ANO10: variants seen among roughly 807,000 people sequenced by gnomAD.
ANO10 encodes the protein anoctamin 10, also known as anoctamin-10.
A neutral mutation model predicts 74.7 loss-of-function variants in ANO10; 77 were observed. The ratio of observed to expected loss-of-function variants is 1.03; its 90% CI spans 0.86 to 1.25. The LOEUF (loss-of-function observed/expected upper bound fraction) is 1.25. ANO10 is among the 50% of genes most tolerant of loss of function. ANO10 has a pLI of 0.00. For missense variants in ANO10, 721 were observed against 778.1 expected (o/e 0.93, Z 0.87); for synonymous variants, 279 against 284.9 (o/e 0.98, Z 0.21).
intron 12 of ANO10, among the ~76,000 whole-genome samples, chr3:43,407,058 C>T (rs2092588689): frequency 6.6e-6 from 1 of 152,100 alleles, no homozygotes; most frequent in Admixed American, 6.6e-5. Context: ...CATGTGCCAC[C>T]ACACCCGGCT....
chr3:43,690,995 G>A (rs766276299), intron 1 of ANO10: 2 of 1,572,806 alleles, frequency 1.3e-6, no homozygotes, highest in Admixed American at 1.8e-5. Context: ...CGGCGGCTAT[G>A]GCGGCGGAGG....
At chr3:43,611,507 A>G (rs992321752) in intron 1 of ANO10, among the ~76,000 whole-genome samples, 1 of 152,196 alleles carries the variant, frequency 6.6e-6, no homozygotes. Context: ...TAAGAGCTTG[A>G]TCTCTGGAGA....
At chr3:43,590,479 T>C (rs912354389) in intron 4 of ANO10, among the ~76,000 whole-genome samples, 3 of 152,136 alleles carry the variant, frequency 2.0e-5, no homozygotes, top group African/African-American at 7.2e-5. Flanking sequence ...TTCCCCATCA[T>C]GTCTAAGGAA....
chr3:43,630,856 C>G lies in ANO10; in HGVS notation c.-11-24993G>C, dbSNP rs1183682803. On this transcript the variant is annotated intron_variant, in intron 1 of 3. Transcript: ENST00000413397. ...GTGTCTGTTCTTTCATGGACTGCTT[C>G]CAGTTTTTTCTTTATTTCTTTGATG... Among the ~76,000 whole-genome samples, 3 of 152,154 alleles carry G rather than the reference C, an allele frequency of 2.0e-5. No homozygotes were observed. The East Asian group carries it at 5.8e-4, about 29-fold the overall frequency.
At chr3:43,478,954 G>T (rs186721915) in intron 11 of ANO10, among the ~76,000 whole-genome samples, 1 of 152,194 alleles carries the variant, frequency 6.6e-6, no homozygotes, top group East Asian at 1.9e-4. Flanking sequence ...CACAAGTTAG[G>T]GCACTTTAGA....
chr3:43,517,231 A>G (rs965040305), intron 11 of ANO10, among the ~76,000 whole-genome samples: 6 of 152,230 alleles, frequency 3.9e-5, no homozygotes, highest in Admixed American at 6.5e-5. Context: ...AAATATTCAA[A>G]CATTTGTAAC....
chr3:43,537,574 C>G (rs1193750461), intron 11 of ANO10, among the ~76,000 whole-genome samples: 2 of 149,368 alleles, frequency 1.3e-5, no homozygotes, highest in Non-Finnish European at 3.0e-5. Context: ...CAGAGCAGAA[C>G]CATGATCTCA....
intron 1 of ANO10, chr3:43,690,881 G>C (rs766649239): frequency 1.7e-6 from 2 of 1,210,418 alleles, no homozygotes; most frequent in Non-Finnish European, 2.2e-6. Flanking sequence ...GTGCGCGGAA[G>C]ACGCATGCGC....
At chr3:43,458,794 G>A (rs762240986) in intron 11 of ANO10, among the ~76,000 whole-genome samples, 3 of 152,036 alleles carry the variant, frequency 2.0e-5, no homozygotes, top group Non-Finnish European at 4.4e-5. Flanking sequence ...TTGTCCTAAC[G>A]CTCTCCCTCC....
intron 1 of ANO10, among the ~76,000 whole-genome samples, chr3:43,645,443 C>T (rs1471807358): frequency 2.1e-4 from 31 of 149,748 alleles, no homozygotes; most frequent in Non-Finnish European, 8.9e-5. Flanking sequence ...GAGCTGAGAT[C>T]GTGCCACTGC....
chr3:43,411,422 A>C (rs566593189), intron 12 of ANO10, among the ~76,000 whole-genome samples: 29 of 152,342 alleles, frequency 1.9e-4, no homozygotes, highest in African/African-American at 6.7e-4. Flanking sequence ...TCTTTGAGAG[A>C]CATAACGTAA....
intron 1 of ANO10, among the ~76,000 whole-genome samples, chr3:43,679,534 A>C (rs1183769402): frequency 2.0e-5 from 3 of 152,188 alleles, no homozygotes; most frequent in Admixed American, 2.0e-4. Context: ...GCCAAACAAA[A>C]GGCAGCAGAA....
intron 11 of ANO10, among the ~76,000 whole-genome samples, chr3:43,433,068 T>C (rs1049849911): frequency 6.7e-6 from 1 of 148,852 alleles, no homozygotes; most frequent in Non-Finnish European, 1.5e-5. Flanking sequence ...CAAGTGATTC[T>C]CCTGCCTCAG....
At chr3:43,690,942 G>T (rs1399819007) in intron 1 of ANO10, 2 of 1,539,566 alleles carry the variant, frequency 1.3e-6, no homozygotes, top group Admixed American at 1.9e-5. Flanking sequence ...CGGCCCAGTC[G>T]GCCTGTCAGC....
chr3:43,677,220 G>A (rs1457263685), intron 1 of ANO10, among the ~76,000 whole-genome samples: 2 of 152,178 alleles, frequency 1.3e-5, no homozygotes, highest in African/African-American at 2.4e-5. Flanking sequence ...ATCTTCCTAA[G>A]GGAATGAATC....
chr3:43,655,378 C>G (rs1363901908), intron 1 of ANO10, among the ~76,000 whole-genome samples: 1 of 152,174 alleles, frequency 6.6e-6, no homozygotes, highest in African/African-American at 2.4e-5. Flanking sequence ...AGCTGCAGAC[C>G]TTGGCGGTGA....
At chr3:43,550,157 G>A (rs1486730832) in intron 10 of ANO10, among the ~76,000 whole-genome samples, 1 of 152,114 alleles carries the variant, frequency 6.6e-6, no homozygotes, top group Non-Finnish European at 1.5e-5. Flanking sequence ...CATCTAAGGG[G>A]AATCTAAAGT....
At chr3:43,602,033 G>C (rs1329278360) in intron 2 of ANO10, among the ~76,000 whole-genome samples, 1 of 152,192 alleles carries the variant, frequency 6.6e-6, no homozygotes, top group Non-Finnish European at 1.5e-5. Context: ...TTCCTTTAAA[G>C]GGCAACTTTA....
chr3:43,649,332 C>T (rs1371544929), intron 1 of ANO10, among the ~76,000 whole-genome samples: 3 of 152,166 alleles, frequency 2.0e-5, no homozygotes, highest in East Asian at 3.8e-4. Flanking sequence ...TTTATATTAA[C>T]GTAAGTACAA....
Sources: gnomAD v4.1 joint callset for allele counts (sites outside exome capture counted in the v4.1 genomes callset) on GRCh38, gnomAD v4.1.1 for gene constraint, MANE v1.5 for transcripts, NCBI Gene and HGNC (gene_info 2026-07-23, HGNC 2026-07-21) for gene names.